The following SAMD5 variants were observed in gnomAD, a reference collection of about 807,000 sequenced individuals.
SAMD5 encodes sterile alpha motif domain-containing protein 5.
Under a neutral mutation model 11.3 loss-of-function variants are expected in SAMD5, and 13 were observed. That is an observed-to-expected ratio of 1.15 (90% CI 0.75 to 1.83). The LOEUF is 1.83. SAMD5 is among the 40% of genes most tolerant of loss of function. SAMD5 has a pLI of 0.00. For missense variants in SAMD5, 255 were observed against 239.1 expected, an observed-to-expected ratio of 1.07 and a Z score of -0.44; for synonymous variants, 129 against 111.3, an observed-to-expected ratio of 1.16 and a Z score of -1.00.
the SAMD5 span, among the ~76,000 whole-genome samples, chr6:147,751,333 G>GT: frequency 1.3e-4 from 20 of 151,112 alleles, no homozygotes; most frequent in East Asian, 3.9e-4. Context: ...TATGTGTAGT[G>GT]TTTTTTTTTC....
intron 1 of SAMD5, among the ~76,000 whole-genome samples, chr6:147,518,555 G>A (rs536996): frequency 0.47 from 71,515 of 152,094 alleles, 19,535 homozygotes; most frequent in African/African-American, 0.77. Flanking sequence ...GTCAGATGAC[G>A]TGGACTTGAT....
chr6:147,721,708 A>C (rs1314360524), intron 1 of SAMD5, among the ~76,000 whole-genome samples: 1 of 152,088 alleles, frequency 6.6e-6, no homozygotes, highest in Non-Finnish European at 1.5e-5. Flanking sequence ...GTTTAATTAG[A>C]TCCCATTTGT....
chr6:147,693,023 C>T (rs2128457195), intron 1 of SAMD5, among the ~76,000 whole-genome samples: 1 of 152,314 alleles, frequency 6.6e-6, no homozygotes, highest in Middle Eastern at 3.4e-3. Context: ...AATTGAAGGA[C>T]TTTGCAGAAG....
At chr6:147,783,868 T>C in the SAMD5 span, among the ~76,000 whole-genome samples, 4 of 152,186 alleles carry the variant, frequency 2.6e-5, no homozygotes, top group Admixed American at 6.5e-5. Context: ...GAATCAATGC[T>C]ATTGACAGCA....
At chr6:147,875,952 G>A in the SAMD5 span, among the ~76,000 whole-genome samples, 1 of 152,140 alleles carries the variant, frequency 6.6e-6, no homozygotes, top group Non-Finnish European at 1.5e-5. Context: ...TAAATGTAAG[G>A]CACTTGAATC....
At chr6:147,620,653 C>A (rs1303309423) in intron 1 of SAMD5, among the ~76,000 whole-genome samples, 1 of 152,144 alleles carries the variant, frequency 6.6e-6, no homozygotes, top group Admixed American at 6.5e-5. Context: ...CTGTGTTCCC[C>A]AAAGAAGAGC....
At chr6:147,796,480 T>G in the SAMD5 span, among the ~76,000 whole-genome samples, 1 of 152,204 alleles carries the variant, frequency 6.6e-6, no homozygotes, top group Non-Finnish European at 1.5e-5. Flanking sequence ...CCTTGTAGTA[T>G]AGTTTGAAGT....
chr6:147,940,202 ATTTT>A, the SAMD5 span, among the ~76,000 whole-genome samples: 30 of 133,154 alleles, frequency 2.3e-4, no homozygotes, highest in Non-Finnish European at 3.4e-4. Flanking sequence ...GGCAGAATTC[ATTTT>A]TTTTTTTTTT....
chr6:147,677,616 T>G (rs1162733609), intron 1 of SAMD5, among the ~76,000 whole-genome samples: 1 of 151,854 alleles, frequency 6.6e-6, no homozygotes, highest in Non-Finnish European at 1.5e-5. Context: ...CAGAGTAGCA[T>G]AAAGGGGCTG....
intron 1 of SAMD5, among the ~76,000 whole-genome samples, chr6:147,723,111 G>C (rs904281250): frequency 1.3e-5 from 2 of 152,170 alleles, no homozygotes; most frequent in African/African-American, 4.8e-5. Context: ...GCCCATGTTA[G>C]GGCCAGTGGT....
At chr6:147,893,507 T>C in the SAMD5 span, among the ~76,000 whole-genome samples, 1 of 152,156 alleles carries the variant, frequency 6.6e-6, no homozygotes, top group Admixed American at 6.5e-5. Flanking sequence ...AAGGAGTAAA[T>C]GGCCCGCTAG....
the SAMD5 span, among the ~76,000 whole-genome samples, chr6:147,863,991 G>A: frequency 2.0e-5 from 3 of 151,796 alleles, no homozygotes; most frequent in East Asian, 3.9e-4. Context: ...TTACAGGCAC[G>A]CACCACCAGA....
At position 147,568,118 on chromosome 6, in the gene SAMD5, T is replaced by C; in HGVS notation, c.*3662T>C. On this transcript the variant is annotated 3_prime_UTR_variant, in exon 2 of 2. Coordinates refer to ENST00000367474, the MANE Select transcript of SAMD5 (RefSeq NM_001030060.3). ...ATTTTCCTCTGATTTTATGACTGAT[T>C]TACAAATTAGGAGTGCAAATGGGCT... is the stretch of plus-strand genomic sequence containing the variant. The C allele has an allele frequency of 1.0e-6, 1 of 985,324 alleles. No homozygotes were observed. The highest frequency in any genetic ancestry group is 1.2e-6 in the Non-Finnish European group (1 of 829,890). 61.0% of individuals were successfully genotyped at this position (985,324 alleles called of 1,614,324 possible).
At position 147,567,204 on chromosome 6, in the gene SAMD5, T is replaced by C; in HGVS notation, c.*2748T>C. 1.0e-6 allele frequency: 1 copy of C among 985,382 alleles called. No individual in the cohort carries two copies. The highest frequency in any genetic ancestry group is 1.2e-6 in the Non-Finnish European group (1 of 829,872). The allele number at this position is 985,382 out of a possible 1,614,324, so 61.0% of individuals were successfully genotyped here. On this transcript the variant is annotated 3_prime_UTR_variant, in exon 2 of 2. Coordinates refer to ENST00000367474, the MANE Select transcript of SAMD5 (RefSeq NM_001030060.3). The stretch of plus-strand genomic sequence containing the variant: ...GGGAAGGCGTAATGTTAAGGGCTTC[T>C]TCCTTACCCAAGTGGGAGCTGAACC...
intron 1 of SAMD5, among the ~76,000 whole-genome samples, chr6:147,624,095 C>G (rs935172859): frequency 6.6e-6 from 1 of 152,156 alleles, no homozygotes; most frequent in Non-Finnish European, 1.5e-5. Flanking sequence ...CTCTCAAGCT[C>G]CTGACCTCAA....
the SAMD5 span, among the ~76,000 whole-genome samples, chr6:147,887,561 A>T: frequency 6.6e-6 from 1 of 152,120 alleles, no homozygotes; most frequent in African/African-American, 2.4e-5. Flanking sequence ...GCTACATCAC[A>T]GTTTGTCTTT....
At chr6:147,882,799 C>T in the SAMD5 span, among the ~76,000 whole-genome samples, 5 of 152,138 alleles carry the variant, frequency 3.3e-5, no homozygotes, top group African/African-American at 9.7e-5. Context: ...ATCTTGTGTA[C>T]ATATGTTTTG....
At chr6:147,776,437 A>C in the SAMD5 span, among the ~76,000 whole-genome samples, 1 of 151,998 alleles carries the variant, frequency 6.6e-6, no homozygotes, top group African/African-American at 2.4e-5. Context: ...GCTCCTTCGC[A>C]CTCTGGTTTG....
chr6:147,881,792 C>G, the SAMD5 span, among the ~76,000 whole-genome samples: 1 of 152,166 alleles, frequency 6.6e-6, no homozygotes, highest in Non-Finnish European at 1.5e-5. Flanking sequence ...TACACGGGTA[C>G]TTGGAATGTG....
Sources: allele counts gnomAD v4.1 joint callset (sites outside exome capture counted in the v4.1 genomes callset), GRCh38; gene constraint gnomAD v4.1.1; transcripts MANE v1.5; gene names NCBI Gene and HGNC (gene_info 2026-07-23, HGNC 2026-07-21).